Variants in TXNDC16 observed in about 807,000 individuals in gnomAD.
TXNDC16 encodes thioredoxin domain-containing protein 16.
Under a neutral mutation model 85.6 loss-of-function variants are expected in TXNDC16, and 74 were observed. The observed-to-expected ratio is 0.86, with a 90% confidence interval of 0.72 to 1.05. The LOEUF (loss-of-function observed/expected upper bound fraction) is 1.05, where lower values mean the gene tolerates loss of function less well. TXNDC16 is among the 50% of genes least tolerant of loss of function. The pLI, the probability that TXNDC16 is intolerant of heterozygous loss-of-function variation, is 0.00. For synonymous variants in TXNDC16, 335 were observed against 326.5 expected (o/e 1.03, Z -0.28); for missense variants, 959 against 947.0 (o/e 1.01, Z -0.17).
At chr14:52,507,169 T>C (rs1244727996) in intron 9 of TXNDC16, among the ~76,000 whole-genome samples, 2 of 152,124 alleles carry the variant, frequency 1.3e-5, no homozygotes, top group African/African-American at 2.4e-5. Flanking sequence ...AAAACCCCAT[T>C]GTCTCAGCCC....
At chr14:52,440,775 T>G (rs768947031) in intron 18 of TXNDC16, 51 bp from the exon 19 acceptor site, 1 of 1,535,594 alleles carries the variant, frequency 6.5e-7, no homozygotes, top group Admixed American at 1.9e-5. Flanking sequence ...GGGATGATAA[T>G]GCATACCACA....
Position 52,542,422 on chromosome 14 carries a change from T to C in TXNDC16, c.192A>G (p.Glu64=), listed in dbSNP as rs780042859. ...GCAGAGGTCTAACAGCCTCATTCAG[T>C]TCTTCAAGAAATACAGATGTTCTTG... The part of the protein sequence containing the change: ...DSPRTSVFLE[E]LNEAVRPLQD... Residue 64 remains glutamate (E), a synonymous_variant, in exon 4 of 21, where the codon GAA becomes GAG. Coordinates refer to ENST00000281741, the MANE Select transcript of TXNDC16 (RefSeq NM_020784.3). The C allele has an allele frequency of 2.5e-6, 4 of 1,612,648 alleles. No homozygotes were observed. In the African/African-American group the frequency reaches 4.0e-5, roughly 16 times the overall value.
chr14:52,446,906 T>TTAAGAGAACATGAGC, intron 18 of TXNDC16, among the ~76,000 whole-genome samples: 1 of 151,956 alleles, frequency 6.6e-6, no homozygotes, highest in East Asian at 1.9e-4. Flanking sequence ...CCCTTGGGCC[T>TTAAGAGAACATGAGC]AGGTAGTACA....
intron 7 of TXNDC16, among the ~76,000 whole-genome samples, chr14:52,516,848 T>G (rs1447796980): frequency 6.6e-6 from 1 of 152,046 alleles, no homozygotes; most frequent in Non-Finnish European, 1.5e-5. Flanking sequence ...TTCCCGTCAT[T>G]CCATGAAGAA....
intron 16 of TXNDC16, among the ~76,000 whole-genome samples, chr14:52,465,153 T>C (rs2035742758): frequency 1.3e-5 from 2 of 152,320 alleles, no homozygotes; most frequent in East Asian, 1.9e-4. Flanking sequence ...GTATCTACTA[T>C]GTGCAAACAT....
At chr14:52,531,438 G>A (rs1396272879) in intron 6 of TXNDC16, among the ~76,000 whole-genome samples, 1 of 152,068 alleles carries the variant, frequency 6.6e-6, no homozygotes, top group Non-Finnish European at 1.5e-5. Flanking sequence ...GTAGGTCAAT[G>A]GTTAAACTGT....
chr14:52,453,292 T>C (rs1179634067), intron 18 of TXNDC16, among the ~76,000 whole-genome samples: 4 of 152,084 alleles, frequency 2.6e-5, no homozygotes, highest in African/African-American at 9.7e-5. Flanking sequence ...AAACTAAAAA[T>C]AGACATATCT....
chr14:52,547,738 A>C (rs888829626), intron 1 of TXNDC16, among the ~76,000 whole-genome samples: 3 of 152,196 alleles, frequency 2.0e-5, no homozygotes, highest in Non-Finnish European at 4.4e-5. Flanking sequence ...GATAACTTCT[A>C]TCTAGACCAG....
chr14:52,547,849 A>G (rs1049313554), intron 1 of TXNDC16, among the ~76,000 whole-genome samples: 13 of 152,250 alleles, frequency 8.5e-5, no homozygotes, highest in Non-Finnish European at 1.8e-4. Context: ...GGAAAAGCCA[A>G]GGAAGAACTA....
At position 52,470,134 on chromosome 14, in the gene TXNDC16, T is replaced by C. The variant is rs2035870963; in HGVS notation, c.1521A>G (p.Gln507=). The C allele has an allele frequency of 3.7e-6, 6 of 1,611,080 alleles. No individual in the cohort carries two copies. The highest frequency in any genetic ancestry group is 5.1e-6 in the Non-Finnish European group (6 of 1,178,298). The change falls in exon 16 of 21, where the codon CAA becomes CAG. Residue 507 remains glutamine (Q), a synonymous_variant. Transcript: ENST00000281741. ...CCCCACTTAAATATTCTTCTGCTTC[T>C]TGGATCGATGTTATATTCACTGGAT... ...ISYPVNITSI[Q]EAEEYLSGEL... is the part of the protein sequence containing the mutation.
At chr14:52,474,839 G>A (rs2035984808) in intron 14 of TXNDC16, among the ~76,000 whole-genome samples, 1 of 152,196 alleles carries the variant, frequency 6.6e-6, no homozygotes, top group Non-Finnish European at 1.5e-5. Context: ...AAGGAACGGG[G>A]ACAGACAGAA....
intron 14 of TXNDC16, among the ~76,000 whole-genome samples, chr14:52,475,045 A>C (rs1377498255): frequency 1.3e-5 from 2 of 152,194 alleles, no homozygotes; most frequent in Non-Finnish European, 2.9e-5. Flanking sequence ...ACACCCCACC[A>C]CCGGGGAACC....
chr14:52,496,017 G>A (rs28565078), intron 9 of TXNDC16, among the ~76,000 whole-genome samples: 7,086 of 151,978 alleles, frequency 0.047, 531 homozygotes, highest in African/African-American at 0.16. Context: ...AAAATTAGCC[G>A]GGTGTGGTGG....
chr14:52,445,336 G>A (rs1425735588), intron 18 of TXNDC16, among the ~76,000 whole-genome samples: 3 of 152,026 alleles, frequency 2.0e-5, no homozygotes, highest in Non-Finnish European at 4.4e-5. Flanking sequence ...TTTAACAGGA[G>A]GAAAGGACAG....
chr14:52,542,461 A>C lies in TXNDC16; in HGVS notation c.161-8T>G. On this transcript the variant is annotated splice_region_variant and splice_polypyrimidine_tract_variant and intron_variant, in intron 3 of 20. Transcript: ENST00000281741. ...CAGATGTTCTTGGGGAATCTAAAAC[A>C]ACAAATGTTTCATGAATGTTTATGA... is the stretch of plus-strand genomic sequence containing the variant. 1 of 1,602,724 alleles carries C rather than the reference A, an allele frequency of 6.2e-7. No homozygotes were observed. Among genetic ancestry groups the C allele is most frequent in the Non-Finnish European group, 8.5e-7 (1 of 1,172,080 alleles).
chr14:52,529,669 ATATAT>A (rs1490759820), intron 6 of TXNDC16, among the ~76,000 whole-genome samples: 5 of 107,832 alleles, frequency 4.6e-5, no homozygotes, highest in Non-Finnish European at 8.5e-5. Flanking sequence ...AATGCCTATT[ATATAT>A]AATATATATA....
In TXNDC16 at chr14:52,447,937, T is replaced by C. The variant is rs534719990; in HGVS notation, c.1843-7213A>G. On this transcript the variant is annotated intron_variant, in intron 18 of 20. Transcript: ENST00000281741. ...CATCAGAGTCCTTTAAGAGCAGAAA[T>C]GATCAAGCAGAAGAAAGAATTACTG... 4.7e-5 allele frequency among the ~76,000 whole-genome samples: 7 copies of C among 149,886 alleles called. No homozygotes were observed. The East Asian group carries it at 5.9e-4, about 13-fold the overall frequency.
intron 16 of TXNDC16, among the ~76,000 whole-genome samples, chr14:52,465,704 T>C (rs1377805574): frequency 6.6e-6 from 1 of 151,718 alleles, no homozygotes; most frequent in African/African-American, 2.4e-5. Flanking sequence ...AAACACCCTA[T>C]GTGTACCCTT....
intron 8 of TXNDC16, among the ~76,000 whole-genome samples, chr14:52,513,767 A>C (rs1204907632): frequency 6.6e-6 from 1 of 151,898 alleles, no homozygotes; most frequent in Non-Finnish European, 1.5e-5. Flanking sequence ...TTGCCAATAA[A>C]TAACCACCTC....
Sources: allele counts gnomAD v4.1 joint callset (sites outside exome capture counted in the v4.1 genomes callset), GRCh38; gene constraint gnomAD v4.1.1; transcripts MANE v1.5; gene names NCBI Gene and HGNC (gene_info 2026-07-23, HGNC 2026-07-21).